Variants in EFCAB5 observed in about 807,000 individuals in gnomAD.
The protein encoded by EFCAB5 is EF-hand calcium binding domain 5, also known as EF-hand calcium-binding domain-containing protein 5.
In EFCAB5, 131 loss-of-function variants were observed where a neutral mutation model predicts 167.9. The observed-to-expected ratio is 0.78, with a 90% CI of 0.68 to 0.90. The LOEUF is 0.90. Among genes scored for constraint, EFCAB5 ranks in the 40% least tolerant of loss-of-function variants. The pLI is 0.00. For missense variants in EFCAB5, 1,663 were observed against 1,745.2 expected (o/e 0.95, Z 0.84); for synonymous variants, 574 against 602.8 (o/e 0.95, Z 0.70).
intron 4 of EFCAB5, among the ~76,000 whole-genome samples, chr17:29,978,540 C>A (rs951830704): frequency 1.3e-5 from 2 of 152,158 alleles, no homozygotes; most frequent in African/African-American, 4.8e-5. Flanking sequence ...TGGATGACAT[C>A]CTTGTATTCT....
intron 5 of EFCAB5, 86 bp downstream of exon 5, chr17:29,993,407 G>A (rs2068467258): frequency 7.4e-7 from 1 of 1,358,926 alleles, no homozygotes; most frequent in Non-Finnish European, 9.8e-7. Context: ...CATACTAGAA[G>A]CCTCCCTTGA....
chr17:30,102,295 A>G (rs2071392596), intron 22 of EFCAB5, among the ~76,000 whole-genome samples: 1 of 152,168 alleles, frequency 6.6e-6, no homozygotes, highest in Admixed American at 6.6e-5. Context: ...CTTTGAGGCA[A>G]TGGGAGTAGG....
Position 30,069,432 on chromosome 17 carries a change from T to G in EFCAB5, c.2738-8783T>G, listed in dbSNP as rs2070669266. The G allele has an allele frequency of 2.6e-6, 4 of 1,540,778 alleles. No homozygotes were observed. The East Asian group carries it at 9.0e-5, about 35-fold the overall frequency. ...GTTGAGATTTCCAGACTTCAAGAGA[T>G]ATTCACGGAAAAGGTTTTGCAACAG... On this transcript the variant is annotated intron_variant, in intron 14 of 22. Coordinates refer to ENST00000394835, the MANE Select transcript of EFCAB5 (RefSeq NM_198529.4).
intron 22 of EFCAB5, among the ~76,000 whole-genome samples, chr17:30,096,677 ATTTT>A (rs71278522): frequency 3.3e-3 from 196 of 60,112 alleles, no homozygotes; most frequent in East Asian, 0.025. Flanking sequence ...ATATATATAT[ATTTT>A]TTTTTTTTTT....
Position 29,930,383 on chromosome 17 carries a change from A to G in EFCAB5, c.-127+1054A>G, listed in dbSNP as rs546151619. ...CCTGGGTTTCCTCCTTCGTGCTGGA[A>G]TCGCGCGGTTTGCCAGCACTGGGTG... On this transcript the variant is annotated intron_variant, in intron 1 of 3. Transcript: ENST00000448319. 2.1e-4 allele frequency: 42 copies of G among 201,204 alleles called. 2 individuals are homozygous for G. In the South Asian group the frequency reaches 3.2e-3, roughly 15 times the overall value. The allele number at this position is 201,204 out of a possible 1,614,324, so 12.5% of individuals were successfully genotyped here.
At chr17:29,950,002 G>T (rs996378166) in intron 3 of EFCAB5, among the ~76,000 whole-genome samples, 2 of 152,124 alleles carry the variant, frequency 1.3e-5, no homozygotes, top group Non-Finnish European at 2.9e-5. Flanking sequence ...TGCAGGAGGA[G>T]GAATTGTCTG....
upstream of EFCAB5, among the ~76,000 whole-genome samples, chr17:29,938,457 G>A (rs574468459): frequency 6.6e-6 from 1 of 152,260 alleles, no homozygotes; most frequent in South Asian, 2.1e-4. Context: ...CTTAAATTAA[G>A]ACAATTGAGT....
chr17:29,979,891 G>A (rs1007400858), intron 4 of EFCAB5, among the ~76,000 whole-genome samples: 2 of 152,108 alleles, frequency 1.3e-5, no homozygotes, highest in African/African-American at 2.4e-5. Flanking sequence ...CTTACTAGCC[G>A]GCCACGGTGG....
At chr17:29,977,261 T>A (rs1169324081) in intron 4 of EFCAB5, among the ~76,000 whole-genome samples, 2 of 152,162 alleles carry the variant, frequency 1.3e-5, no homozygotes, top group Non-Finnish European at 2.9e-5. Context: ...AGCCTAATTA[T>A]GATGGTGGTT....
chr17:30,080,183 T>C lies in EFCAB5; in HGVS notation c.3139T>C (p.Leu1047=), dbSNP rs762785003. Residue 1047 remains leucine (L), a synonymous_variant, in exon 16 of 23, where the codon TTA becomes CTA. Coordinates refer to ENST00000394835, the MANE Select transcript of EFCAB5 (RefSeq NM_198529.4). ...NVLLRNVACT[L]DDAQFVLNRV... ...TCTATTGAGGAATGTGGCTTGTACC[T>C]TAGATGATGCTCAATTTGTACTGAA... 1 of 1,613,644 alleles carries C rather than the reference T, an allele frequency of 6.2e-7. No individual in the cohort carries two copies. The highest frequency in any genetic ancestry group is 1.1e-5 in the South Asian group (1 of 91,004).
chr17:30,088,476 A>G (rs138525033), intron 19 of EFCAB5, among the ~76,000 whole-genome samples: 73 of 152,356 alleles, frequency 4.8e-4, no homozygotes, highest in African/African-American at 1.7e-3. Context: ...TGAATAATAC[A>G]TTCACATCAC....
chr17:30,084,292 C>T (rs548205454), intron 18 of EFCAB5, among the ~76,000 whole-genome samples: 1 of 152,250 alleles, frequency 6.6e-6, no homozygotes, highest in East Asian at 1.9e-4. Context: ...GGCAGAGCAC[C>T]CTGTTTGAAG....
At chr17:29,942,118 A>G (rs2151514175) in intron 1 of EFCAB5, 122 bp from the exon 2 acceptor site, 1 of 830,922 alleles carries the variant, frequency 1.2e-6, no homozygotes, top group South Asian at 2.1e-5. Flanking sequence ...TTTATTTCAC[A>G]TGATATTTAC....
intron 8 of EFCAB5, among the ~76,000 whole-genome samples, chr17:30,036,244 T>A (rs1169238034): frequency 7.2e-6 from 1 of 139,546 alleles, no homozygotes; most frequent in Non-Finnish European, 1.5e-5. Flanking sequence ...TATGTATATA[T>A]AAATATAGAA....
chr17:30,001,547 G>T (rs890949022), intron 7 of EFCAB5, among the ~76,000 whole-genome samples: 1 of 152,164 alleles, frequency 6.6e-6, no homozygotes, highest in African/African-American at 2.4e-5. Flanking sequence ...GAGGCAAGAG[G>T]ATTGCTTAAG....
chr17:30,086,864 C>T (rs920597261), intron 18 of EFCAB5, among the ~76,000 whole-genome samples, 199 bp from the exon 19 acceptor site: 4 of 152,036 alleles, frequency 2.6e-5, no homozygotes, highest in African/African-American at 9.7e-5. Context: ...TGCACTCCAA[C>T]CTGGGCAACA....
intron 7 of EFCAB5, among the ~76,000 whole-genome samples, chr17:30,007,906 T>A (rs893852178): frequency 6.6e-6 from 1 of 151,908 alleles, no homozygotes; most frequent in African/African-American, 2.4e-5. Flanking sequence ...GGAGGATTGC[T>A]TGAGCCTGGG....
At chr17:30,012,494 C>T (rs1399287253) in intron 7 of EFCAB5, among the ~76,000 whole-genome samples, 1 of 152,192 alleles carries the variant, frequency 6.6e-6, no homozygotes, top group Non-Finnish European at 1.5e-5. Flanking sequence ...TCTGCCTCGG[C>T]TGCCAGGCAG....
At chr17:30,042,021 T>C (rs2069787298) in intron 8 of EFCAB5, among the ~76,000 whole-genome samples, 1 of 152,122 alleles carries the variant, frequency 6.6e-6, no homozygotes, top group Admixed American at 6.5e-5. Context: ...AACTTTTTTT[T>C]TTTTTGAGAT....
Sources: allele counts gnomAD v4.1 joint callset (sites outside exome capture counted in the v4.1 genomes callset), GRCh38; gene constraint gnomAD v4.1.1; transcripts MANE v1.5; gene names NCBI Gene and HGNC (gene_info 2026-07-23, HGNC 2026-07-21).